RARB: variants seen among roughly 807,000 people sequenced by gnomAD.
RARB encodes HBV-activated protein.
RARB carries 17 observed loss-of-function variants against 51.9 expected under a neutral mutation model. That is an observed-to-expected ratio of 0.33 (90% CI 0.22 to 0.49). RARB has a LOEUF of 0.49. RARB is among the 20% of genes least tolerant of loss of function. The pLI is 0.99. For synonymous variants in RARB, 215 were observed against 195.4 expected (o/e 1.10, Z -0.84); for missense variants, 369 against 550.8 (o/e 0.67, Z 3.30).
intron 2 of RARB, among the ~76,000 whole-genome samples, chr3:24,901,400 A>G (rs1703601940): frequency 6.6e-6 from 1 of 152,186 alleles, no homozygotes; most frequent in Admixed American, 6.5e-5. Flanking sequence ...GATTTCATCT[A>G]TATATTTATA....
At chr3:25,115,765 T>C (rs899199689) in intron 3 of RARB, among the ~76,000 whole-genome samples, 4 of 151,642 alleles carry the variant, frequency 2.6e-5, no homozygotes, top group African/African-American at 9.7e-5. Flanking sequence ...GGGCTCAAAC[T>C]ACAGCACATG....
intron 3 of RARB, among the ~76,000 whole-genome samples, chr3:25,538,287 A>G (rs1398792373): frequency 6.6e-6 from 1 of 152,202 alleles, no homozygotes; most frequent in East Asian, 1.9e-4. Flanking sequence ...TGTTATTCCC[A>G]TAATTCGACT....
rs117540090 is a variant in RARB at position 25,207,797 on chromosome 3, G to A, written c.178+33222G>A. ...TTAAGACTCTTCAGAGGGATAGAAT[G>A]TGTGTTAGGCTGTTCTTGAGTTGCT... On this transcript the variant is annotated intron_variant, in intron 5 of 11. Coordinates refer to the RARB transcript ENST00000383772. Among the ~76,000 whole-genome samples, 949 of 152,312 alleles carry A rather than the reference G, an allele frequency of 6.2e-3. 17 individuals carry two copies. Among genetic ancestry groups the A allele is most frequent in the East Asian group, 0.03 (156 of 5,186 alleles).
At chr3:25,091,211 A>T (rs1699192979) in intron 3 of RARB, among the ~76,000 whole-genome samples, 1 of 152,088 alleles carries the variant, frequency 6.6e-6, no homozygotes, top group Admixed American at 6.6e-5. Context: ...AGTGAGAGGT[A>T]TTTTTTTGCA....
chr3:25,539,519 A>ACTCTCT (rs1233626620), intron 3 of RARB, among the ~76,000 whole-genome samples: 1 of 110,344 alleles, frequency 9.1e-6, no homozygotes, highest in Non-Finnish European at 1.7e-5. Context: ...ACCTGGCCAC[A>ACTCTCT]CTCTCTCTCT....
At chr3:25,399,996 C>A (rs1393682441) in intron 5 of RARB, among the ~76,000 whole-genome samples, 1 of 152,124 alleles carries the variant, frequency 6.6e-6, no homozygotes, top group African/African-American at 2.4e-5. Context: ...ATAAGACTTA[C>A]CTCTGAGGAT....
At chr3:25,093,710 T>C (rs574334880) in intron 3 of RARB, among the ~76,000 whole-genome samples, 1 of 152,216 alleles carries the variant, frequency 6.6e-6, no homozygotes, top group East Asian at 1.9e-4. Context: ...CGGGGTTTTT[T>C]TTTGCATGTC....
chr3:25,231,833 T>C (rs952182995), intron 5 of RARB, among the ~76,000 whole-genome samples: 1 of 152,158 alleles, frequency 6.6e-6, no homozygotes, highest in African/African-American at 2.4e-5. Context: ...AGATAAAACT[T>C]GCAACTATTT....
chr3:24,900,356 G>T (rs1373848494), intron 2 of RARB, among the ~76,000 whole-genome samples: 3 of 152,190 alleles, frequency 2.0e-5, no homozygotes, highest in African/African-American at 7.2e-5. Context: ...ACATAATGGA[G>T]TGTACCATAT....
intron 2 of RARB, among the ~76,000 whole-genome samples, chr3:25,042,909 T>A (rs1410664507): frequency 1.3e-5 from 2 of 152,226 alleles, no homozygotes; most frequent in Non-Finnish European, 2.9e-5. Flanking sequence ...CCTTTTATAA[T>A]TTTCTCAGCT....
At chr3:24,913,761 T>G (rs908131070) in intron 2 of RARB, among the ~76,000 whole-genome samples, 2 of 152,178 alleles carry the variant, frequency 1.3e-5, no homozygotes, top group African/African-American at 2.4e-5. Context: ...TTTGAACGTT[T>G]TTGGGGAAAA....
chr3:25,013,641 G>C (rs902083717), intron 2 of RARB, among the ~76,000 whole-genome samples: 1 of 151,984 alleles, frequency 6.6e-6, no homozygotes, highest in East Asian at 1.9e-4. Context: ...CCAGTTCTAG[G>C]ATAGGATAAT....
chr3:25,526,326 G>A (rs77692995), intron 3 of RARB, among the ~76,000 whole-genome samples: 5,514 of 152,244 alleles, frequency 0.036, 132 homozygotes, highest in Non-Finnish European at 0.053. Flanking sequence ...CCCACCTGAA[G>A]GAGTTTGATT....
intron 5 of RARB, among the ~76,000 whole-genome samples, chr3:25,312,395 GA>G (rs551202534): frequency 1.3e-5 from 2 of 152,010 alleles, no homozygotes; most frequent in Non-Finnish European, 2.9e-5. Flanking sequence ...AAGATTTTGA[GA>G]AGTTAAAGGA....
intron 5 of RARB, among the ~76,000 whole-genome samples, chr3:25,230,251 C>T (rs1702145850): frequency 2.0e-5 from 3 of 152,160 alleles, no homozygotes; most frequent in Admixed American, 1.3e-4. Flanking sequence ...TAAAACCGAA[C>T]ATACTTATTC....
chr3:25,318,173 C>T (rs1167867443), intron 5 of RARB, among the ~76,000 whole-genome samples: 1 of 152,180 alleles, frequency 6.6e-6, no homozygotes, highest in Non-Finnish European at 1.5e-5. Context: ...TCTTTCCTCC[C>T]TCTTTATGTA....
intron 5 of RARB, among the ~76,000 whole-genome samples, chr3:25,414,786 AC>A (rs1707656312): frequency 6.6e-6 from 1 of 152,148 alleles, no homozygotes; most frequent in African/African-American, 2.4e-5. Context: ...TTGCTTTGTT[AC>A]TTTTGAATTT....
chr3:25,020,532 C>T (rs1047612801), intron 2 of RARB: 2 of 152,082 alleles, frequency 1.3e-5, no homozygotes, highest in African/African-American at 4.8e-5. Context: ...TTGGAGAAAG[C>T]AAATTCGTCT....
intron 2 of RARB, among the ~76,000 whole-genome samples, chr3:24,867,524 T>G (rs1251246101): frequency 1.3e-5 from 2 of 152,174 alleles, no homozygotes; most frequent in Non-Finnish European, 2.9e-5. Flanking sequence ...ACTGTTCATA[T>G]AGTTGTCTCA....
Sources: gnomAD v4.1 joint callset for allele counts (sites outside exome capture counted in the v4.1 genomes callset) on GRCh38, gnomAD v4.1.1 for gene constraint, MANE v1.5 for transcripts, NCBI Gene and HGNC (gene_info 2026-07-23, HGNC 2026-07-21) for gene names.